Variants in CEP135 observed in about 807,000 individuals in gnomAD.
CEP135 encodes the protein centrosomal protein 135, also known as centrosomal protein of 135 kDa.
CEP135 carries 142 observed loss-of-function variants against 157.3 expected under a neutral mutation model. That is an observed-to-expected ratio of 0.90 (90% CI 0.79 to 1.04). The LOEUF (loss-of-function observed/expected upper bound fraction) is 1.04. Among genes scored for constraint, CEP135 ranks in the 50% least tolerant of loss-of-function variants. The pLI, the probability that CEP135 is intolerant of heterozygous loss-of-function variation, is 0.00. For missense variants in CEP135, 1,317 were observed against 1,309.2 expected, an observed-to-expected ratio of 1.01 and a Z score of -0.09; for synonymous variants, 396 against 439.8, an observed-to-expected ratio of 0.90 and a Z score of 1.25.
intron 15 of CEP135, among the ~76,000 whole-genome samples, chr4:55,995,960 G>C (rs1729956597): frequency 6.6e-6 from 1 of 152,052 alleles, no homozygotes; most frequent in Admixed American, 6.6e-5. Context: ...CTCTTATCTA[G>C]GATCAAATAG....
chr4:55,981,418 A>C (rs574381926), intron 13 of CEP135, 39 bp downstream of exon 13: 1 of 1,536,818 alleles, frequency 6.5e-7, no homozygotes, highest in Non-Finnish European at 8.7e-7. Flanking sequence ...TAATTTGTTG[A>C]GAAAAAGAGG....
At chr4:56,002,097 A>G (rs1405118114) in intron 17 of CEP135, among the ~76,000 whole-genome samples, 1 of 152,146 alleles carries the variant, frequency 6.6e-6, no homozygotes, top group East Asian at 1.9e-4. Context: ...TTGATTTTGT[A>G]TTGTGCAACT....
At chr4:56,025,162 A>T (rs1381427611) in intron 25 of CEP135, among the ~76,000 whole-genome samples, 1 of 152,104 alleles carries the variant, frequency 6.6e-6, no homozygotes, top group African/African-American at 2.4e-5. Flanking sequence ...TATCTCCAAA[A>T]AAACAAAGAG....
chr4:56,019,387 C>T lies in CEP135; in HGVS notation c.3047C>T (p.Ser1016Leu). ...GAATTAGAAAATGTAAAGTCAGAGT[C>T]AGACCTACTGAAAAAACAACTTTCA... ...VVELENVKSE[S>L]DLLKKQLSNE... Residue 1016 changes from serine to leucine, a missense_variant, in exon 23 of 26, where the codon TCA (serine) becomes TTA (leucine). Physicochemically the swap from Ser to Leu is moderately radical, Grantham distance 145 (BLOSUM62 -2). Transcript: ENST00000257287. 1 of 1,613,424 alleles carries T rather than the reference C, an allele frequency of 6.2e-7. No individual in the cohort carries two copies. Among genetic ancestry groups the T allele is most frequent in the South Asian group, 1.1e-5 (1 of 90,926 alleles).
chr4:55,964,538 T>C, intron 7 of CEP135, 136 bp downstream of exon 7: 1 of 593,610 alleles, frequency 1.7e-6, no homozygotes, highest in Non-Finnish European at 2.6e-6. Context: ...TGGGAAAAAT[T>C]TGATAGAACC....
intron 8 of CEP135, among the ~76,000 whole-genome samples, chr4:55,967,399 G>A (rs928151670): frequency 6.6e-6 from 1 of 152,096 alleles, no homozygotes; most frequent in Non-Finnish European, 1.5e-5. Context: ...ATTATCTTTT[G>A]ATCTGGTACT....
chr4:55,985,323 A>G lies in CEP135; in HGVS notation c.1822A>G (p.Lys608Glu). The G allele has an allele frequency of 6.3e-7, 1 of 1,596,116 alleles. No homozygotes were observed. The change falls in exon 14 of 26, where the codon AAA (lysine) becomes GAA (glutamate). Residue 608 changes from lysine to glutamate, a missense_variant. Transcript: ENST00000257287. ...VSLFGKSELE[K>E]TIEHLTCVNH... ...TCTTTTTGGAAAATCAGAATTAGAG[A>G]AAACTATTGAACATTTGACATGTGT...
chr4:55,954,450 C>A, intron 4 of CEP135, 67 bp downstream of exon 4: 2 of 1,353,254 alleles, frequency 1.5e-6, no homozygotes, highest in Non-Finnish European at 2.0e-6. Flanking sequence ...ACACCATTGA[C>A]TAAAATAGGA....
intron 21 of CEP135, among the ~76,000 whole-genome samples, chr4:56,017,094 G>A (rs192004693): frequency 3.3e-5 from 5 of 151,610 alleles, no homozygotes; most frequent in Admixed American, 6.6e-5. Flanking sequence ...TTCAACTGTG[G>A]ATTCTTCTAG....
chr4:55,962,558 T>C lies in CEP135; in HGVS notation c.700-1716T>C, dbSNP rs1728716011. Among the ~76,000 whole-genome samples, 4 of 152,176 alleles carry C rather than the reference T, an allele frequency of 2.6e-5. No individual in the cohort carries two copies. The South Asian group carries it at 8.3e-4, about 31-fold the overall frequency. Reference sequence around the variant, plus strand: ...ATTGTAGTCTGTCTTCTGCACTCACTATGTGAACTGGTCTAGTTAATTACA... The same window carrying C: ...ATTGTAGTCTGTCTTCTGCACTCACCATGTGAACTGGTCTAGTTAATTACA... On this transcript the variant is annotated intron_variant, in intron 6 of 25. Coordinates refer to ENST00000257287, the MANE Select transcript of CEP135 (RefSeq NM_025009.5).
chr4:56,023,142 A>G (rs1453798806), intron 24 of CEP135, among the ~76,000 whole-genome samples: 1 of 152,036 alleles, frequency 6.6e-6, no homozygotes, highest in Non-Finnish European at 1.5e-5. Flanking sequence ...ATGAGGCGGG[A>G]GGATCGCTTG....
At chr4:55,956,784 T>C (rs1267402389) in intron 4 of CEP135, among the ~76,000 whole-genome samples, 1 of 152,170 alleles carries the variant, frequency 6.6e-6, no homozygotes, top group African/African-American at 2.4e-5. Flanking sequence ...CTAATTTTTT[T>C]GTATTTTTAG....
chr4:56,011,559 G>GT lies in CEP135; in HGVS notation c.2616+51dup, dbSNP rs371011577. The GT allele has an allele frequency of 0.16, 171,019 of 1,054,946 alleles. 23 individuals carry two copies. Among genetic ancestry groups the GT allele is most frequent in the East Asian group, 0.2 (6,423 of 31,964 alleles). The allele number at this position is 1,054,946 out of a possible 1,614,324, so 65.3% of individuals were successfully genotyped here. On this transcript the variant is annotated intron_variant, in intron 20 of 25. Coordinates refer to ENST00000257287, the MANE Select transcript of CEP135 (RefSeq NM_025009.5). ...TATTTAGGTTGGATTTAAGACTGAG[G>GT]TTTTTTTTTTTTTTAACTTTTTCAT...
intron 25 of CEP135, among the ~76,000 whole-genome samples, chr4:56,028,808 T>C (rs1417457967): frequency 6.6e-6 from 1 of 152,210 alleles, no homozygotes; most frequent in Admixed American, 6.5e-5. Flanking sequence ...TCAGACACTG[T>C]ATTCTCCAGC....
At chr4:56,023,765 A>G (rs1731054345) in intron 24 of CEP135, among the ~76,000 whole-genome samples, 2 of 142,518 alleles carry the variant, frequency 1.4e-5, no homozygotes, top group Admixed American at 7.3e-5. Flanking sequence ...AGTATATTAT[A>G]TATAGTATAT....
intron 18 of CEP135, among the ~76,000 whole-genome samples, chr4:56,009,152 TTTG>T (rs1334839549): frequency 6.6e-6 from 1 of 151,960 alleles, no homozygotes; most frequent in Non-Finnish European, 1.5e-5. Flanking sequence ...TTCAACTGTT[TTTG>T]TTGTTGTTGT....
chr4:55,970,029 G>A (rs980390049), intron 9 of CEP135, among the ~76,000 whole-genome samples: 89 of 136,604 alleles, frequency 6.5e-4, no homozygotes, highest in African/African-American at 2.4e-3. Context: ...ATGTGCCACC[G>A]TGCCTAGCTT....
intron 6 of CEP135, among the ~76,000 whole-genome samples, chr4:55,962,155 A>C (rs1232438698): frequency 6.6e-6 from 1 of 151,992 alleles, no homozygotes; most frequent in Middle Eastern, 3.4e-3. Context: ...GCTGAAGTGC[A>C]GTGGCGCGAT....
rs1475549067 is a variant in CEP135 at position 56,011,531 on chromosome 4, T to A, written c.2616+9T>A. On this transcript the variant is annotated intron_variant, in intron 20 of 25. Transcript: ENST00000257287. Reference sequence around the variant, plus strand: ...GCTTAATGGCTGCCAAGGTGAAAAATATTATTTAGGTTGGATTTAAGACTG... The same window carrying A: ...GCTTAATGGCTGCCAAGGTGAAAAAAATTATTTAGGTTGGATTTAAGACTG... 1.0e-5 allele frequency: 16 copies of A among 1,572,248 alleles called. No individual in the cohort carries two copies. The highest frequency in any genetic ancestry group is 1.3e-5 in the Non-Finnish European group (15 of 1,154,624).
Sources: allele counts gnomAD v4.1 joint callset (sites outside exome capture counted in the v4.1 genomes callset), GRCh38; gene constraint gnomAD v4.1.1; transcripts MANE v1.5; gene names NCBI Gene and HGNC (gene_info 2026-07-23, HGNC 2026-07-21).